CCDC77: variants seen among roughly 807,000 people sequenced by gnomAD.
The protein encoded by CCDC77 is coiled-coil domain containing 77, also known as coiled-coil domain-containing protein 77.
Under a neutral mutation model 66.8 loss-of-function variants are expected in CCDC77, and 56 were observed. The ratio of observed to expected loss-of-function variants is 0.84; its 90% CI spans 0.68 to 1.05. CCDC77 has a LOEUF of 1.05. Among genes scored for constraint, CCDC77 ranks in the 50% least tolerant of loss-of-function variants. The pLI is 0.00. For missense variants in CCDC77, 570 were observed against 576.8 expected, an observed-to-expected ratio of 0.99 and a Z score of 0.12; for synonymous variants, 196 against 195.2, an observed-to-expected ratio of 1.00 and a Z score of -0.03.
At chr12:441,190 A>G (rs1945851546) in intron 12 of CCDC77, among the ~76,000 whole-genome samples, 194 bp downstream of exon 12, 1 of 152,216 alleles carries the variant, frequency 6.6e-6, no homozygotes, top group African/African-American at 2.4e-5. Flanking sequence ...GAAATCATTG[A>G]ACGACTGCAT....
At chr12:425,792 C>T (rs753013688) in intron 5 of CCDC77, among the ~76,000 whole-genome samples, 14 of 152,104 alleles carry the variant, frequency 9.2e-5, no homozygotes, top group Non-Finnish European at 1.6e-4. Flanking sequence ...TGATTTAACG[C>T]GATATCATCA....
At chr12:415,411 T>A (rs1161154632) in intron 4 of CCDC77, among the ~76,000 whole-genome samples, 6 of 104,242 alleles carry the variant, frequency 5.8e-5, no homozygotes, top group East Asian at 3.2e-4. Flanking sequence ...ACATAATATG[T>A]TGATATTATT....
intron 4 of CCDC77, among the ~76,000 whole-genome samples, chr12:414,883 A>G (rs986083337): frequency 1.1e-4 from 16 of 152,114 alleles, no homozygotes; most frequent in African/African-American, 3.9e-4. Flanking sequence ...CCTTGCCAGT[A>G]CCTGCCTCTG....
intron 4 of CCDC77, among the ~76,000 whole-genome samples, chr12:417,304 G>T (rs1362159284): frequency 6.6e-6 from 1 of 152,086 alleles, no homozygotes; most frequent in African/African-American, 2.4e-5. Context: ...CTCTCTCATG[G>T]TTCTTATTTA....
At chr12:427,355 T>C (rs184462900) in intron 5 of CCDC77, among the ~76,000 whole-genome samples, 1 of 152,282 alleles carries the variant, frequency 6.6e-6, no homozygotes, top group Non-Finnish European at 1.5e-5. Flanking sequence ...CTTTTATTGT[T>C]TGAGCTATAC....
At chr12:428,709 A>G in intron 5 of CCDC77, 60 bp from the exon 6 acceptor site, 1 of 1,165,402 alleles carries the variant, frequency 8.6e-7, no homozygotes, top group Non-Finnish European at 1.2e-6. Flanking sequence ...CTTTAAACAG[A>G]AAAAGGTTAC....
intron 9 of CCDC77, chr12:436,667 A>G: frequency 2.0e-6 from 1 of 512,624 alleles, no homozygotes; most frequent in Non-Finnish European, 2.5e-6. Flanking sequence ...AGATATTTTA[A>G]TATTGTCATA....
chr12:390,437 G>A (rs2137514175), intron 1 of CCDC77, among the ~76,000 whole-genome samples: 1 of 152,286 alleles, frequency 6.6e-6, no homozygotes, highest in African/African-American at 2.4e-5. Flanking sequence ...AGAAGTTTTT[G>A]TGGTGACTTT....
rs1945866258 is a variant in CCDC77, at chr12:441,960, G to A, written c.*40G>A. 11 of 1,607,972 alleles carry A rather than the reference G, an allele frequency of 6.8e-6. No homozygotes were observed. The highest frequency in any genetic ancestry group is 1.1e-5 in the South Asian group (1 of 90,840). ...AATGGCCCCCATTTAGAAGAGGTGT[G>A]CTTCTTGAAACCTGAGGACAAGGTC... On this transcript the variant is annotated 3_prime_UTR_variant, in exon 13 of 13. Coordinates refer to ENST00000239830, the MANE Select transcript of CCDC77 (RefSeq NM_032358.4).
chr12:429,929 T>A lies in CCDC77; in HGVS notation c.511-735T>A, dbSNP rs549854978. Among the ~76,000 whole-genome samples, 373 of 152,180 alleles carry A rather than the reference T, an allele frequency of 2.5e-3. 1 individual carries two copies. The highest frequency in any genetic ancestry group is 6.8e-3 in the Middle Eastern group (2 of 294). On this transcript the variant is annotated intron_variant, in intron 6 of 12. Coordinates refer to ENST00000239830, the MANE Select transcript of CCDC77 (RefSeq NM_032358.4). ...GGGTGCACCACTGTGCCCCAAGCTG[T>A]TTTTGTTTTTGTTTTTAATCATATA...
chr12:415,340 T>G (rs1344042185), intron 4 of CCDC77, among the ~76,000 whole-genome samples: 1 of 103,322 alleles, frequency 9.7e-6, no homozygotes, highest in Non-Finnish European at 2.0e-5. Flanking sequence ...AATATTATGT[T>G]AATATAATCA....
At position 390,083 on chromosome 12, in the gene CCDC77, G is replaced by T. The variant is rs369459151; in HGVS notation, c.-113+597G>T. ...GTTCACTGTTTCTTCAGTGTTCCTGGTTTCCATTAATGACTTCATCTATTC... is the reference window on the plus strand; with the variant it reads ...GTTCACTGTTTCTTCAGTGTTCCTGTTTTCCATTAATGACTTCATCTATTC... On this transcript the variant is annotated intron_variant, in intron 1 of 11. Transcript: ENST00000422000. The T allele has an allele frequency of 1.5e-4, 20 of 131,838 alleles. No homozygotes were observed. The East Asian group carries it at 4.0e-3, about 26-fold the overall frequency. The allele number at this position is 131,838 out of a possible 1,614,324, so 8.2% of individuals were successfully genotyped here.
chr12:431,212 C>CTTTTTTTTTTTTTT (rs61068771), intron 7 of CCDC77, among the ~76,000 whole-genome samples: 1 of 115,778 alleles, frequency 8.6e-6, no homozygotes, highest in Non-Finnish European at 1.9e-5. Flanking sequence ...TTGCTCAGTT[C>CTTTTTTTTTTTTTT]TTTTTTTTTT....
At chr12:410,815 G>A (rs1022844327) in intron 3 of CCDC77, among the ~76,000 whole-genome samples, 4 of 152,186 alleles carry the variant, frequency 2.6e-5, no homozygotes, top group Admixed American at 1.3e-4. Flanking sequence ...CAAAGTGGTC[G>A]GATTACAGGC....
intron 4 of CCDC77, among the ~76,000 whole-genome samples, chr12:415,828 G>A (rs1591973152): frequency 9.4e-6 from 1 of 106,896 alleles, no homozygotes; most frequent in African/African-American, 4.2e-5. Context: ...ATTTTGAGAT[G>A]AAGTCTTGCT....
intron 5 of CCDC77, among the ~76,000 whole-genome samples, chr12:427,081 C>T (rs541646337): frequency 1.7e-3 from 258 of 152,186 alleles, no homozygotes; most frequent in African/African-American, 5.6e-3. Flanking sequence ...CCCATCTCTA[C>T]TAAAAATACA....
chr12:427,115 T>G (rs530531829), intron 5 of CCDC77, among the ~76,000 whole-genome samples: 38 of 152,146 alleles, frequency 2.5e-4, no homozygotes, highest in South Asian at 1.5e-3. Flanking sequence ...CATTGTGGCA[T>G]GCGCCTGTAG....
intron 4 of CCDC77, among the ~76,000 whole-genome samples, chr12:417,555 G>A (rs1409505236): frequency 6.6e-6 from 1 of 152,066 alleles, no homozygotes; most frequent in Admixed American, 6.6e-5. Context: ...GACAGGAATC[G>A]TATCTTTTCA....
At chr12:438,002 C>T (rs1451591555) in intron 9 of CCDC77, among the ~76,000 whole-genome samples, 3 of 152,112 alleles carry the variant, frequency 2.0e-5, no homozygotes, top group African/African-American at 4.8e-5. Context: ...TTTAGTTCTT[C>T]CTTGTCTTAT....
Sources: allele counts gnomAD v4.1 joint callset (sites outside exome capture counted in the v4.1 genomes callset), GRCh38; gene constraint gnomAD v4.1.1; transcripts MANE v1.5; gene names NCBI Gene and HGNC (gene_info 2026-07-23, HGNC 2026-07-21).